SLC22A24: variants seen among roughly 807,000 people sequenced by gnomAD.
The protein encoded by SLC22A24 is steroid transmembrane transporter SLC22A24.
Under a neutral mutation model 49.8 loss-of-function variants are expected in SLC22A24, and 53 were observed. The observed-to-expected ratio is 1.06, with a 90% CI of 0.85 to 1.34. SLC22A24 has a LOEUF of 1.34. Ranked by LOEUF, SLC22A24 falls within the 40% of genes most tolerant of loss-of-function variation. SLC22A24 has a pLI of 0.00. For missense variants in SLC22A24, 786 were observed against 675.9 expected, an observed-to-expected ratio of 1.16 and a Z score of -1.81; for synonymous variants, 302 against 256.4, an observed-to-expected ratio of 1.18 and a Z score of -1.70.
At chr11:63,132,840 T>A (rs1565044327) in intron 2 of SLC22A24, among the ~76,000 whole-genome samples, 1 of 152,176 alleles carries the variant, frequency 6.6e-6, no homozygotes, top group Non-Finnish European at 1.5e-5. Context: ...TCTTCAGAGC[T>A]GTCAGACAGG....
At chr11:63,087,601 G>C (rs1208262851) in intron 6 of SLC22A24, among the ~76,000 whole-genome samples, 1 of 152,184 alleles carries the variant, frequency 6.6e-6, no homozygotes, top group Non-Finnish European at 1.5e-5. Flanking sequence ...TGGAAAAGGG[G>C]CTGAGGCCAT....
At chr11:63,112,157 G>A (rs1485132719) in intron 4 of SLC22A24, among the ~76,000 whole-genome samples, 2 of 152,136 alleles carry the variant, frequency 1.3e-5, no homozygotes, top group Non-Finnish European at 2.9e-5. Context: ...TAGTTGAGTG[G>A]TTTTGAGTGA....
At chr11:63,109,511 G>T (rs1015543214) in intron 4 of SLC22A24, among the ~76,000 whole-genome samples, 298 of 142,456 alleles carry the variant, frequency 2.1e-3, no homozygotes, top group African/African-American at 7.2e-3. Flanking sequence ...AGCACCTGTT[G>T]TTTCCTGACT....
intron 4 of SLC22A24, among the ~76,000 whole-genome samples, chr11:63,114,757 T>C (rs372989049): frequency 1.3e-5 from 2 of 152,110 alleles, no homozygotes; most frequent in East Asian, 1.9e-4. Context: ...GATATCCTTT[T>C]TGTTGATGGT....
chr11:63,121,173 A>T (rs56378671), intron 2 of SLC22A24, among the ~76,000 whole-genome samples: 2,338 of 152,318 alleles, frequency 0.015, 27 homozygotes, highest in Middle Eastern at 0.048. Context: ...TGGTCTATCA[A>T]TTGTAATAAA....
At chr11:63,081,800 T>C (rs1268410170) in intron 7 of SLC22A24, 134 bp from the exon 8 acceptor site, 4 of 663,126 alleles carry the variant, frequency 6.0e-6, no homozygotes, top group East Asian at 5.5e-5. Context: ...ATGCCAGAGA[T>C]TGGGGAATGG....
At chr11:63,117,778 T>G (rs1361123207) in intron 4 of SLC22A24, among the ~76,000 whole-genome samples, 1 of 152,210 alleles carries the variant, frequency 6.6e-6, no homozygotes, top group Admixed American at 6.5e-5. Flanking sequence ...TGTTAATAAC[T>G]GTTTATGTTA....
At chr11:63,132,417 T>G (rs1406671759) in intron 2 of SLC22A24, among the ~76,000 whole-genome samples, 1 of 152,186 alleles carries the variant, frequency 6.6e-6, no homozygotes, top group Non-Finnish European at 1.5e-5. Flanking sequence ...ATCTTTGTGG[T>G]TTTATCTACC....
chr11:63,083,473 A>G lies in SLC22A24; in HGVS notation c.1071-16T>C. ...GATTGCGAATCTGAAGTGAATAAAAAGGACAAAGACATATTCAATAAGATT... is the reference window on the plus strand; with the variant it reads ...GATTGCGAATCTGAAGTGAATAAAAGGGACAAAGACATATTCAATAAGATT... On this transcript the variant is annotated splice_polypyrimidine_tract_variant and intron_variant, in intron 6 of 9. Transcript: ENST00000612278. 1 of 1,535,610 alleles carries G rather than the reference A, an allele frequency of 6.5e-7. No individual in the cohort carries two copies. The highest frequency in any genetic ancestry group is 8.8e-7 in the Non-Finnish European group (1 of 1,132,838).
At chr11:63,135,021 A>G (rs537418398) in intron 1 of SLC22A24, among the ~76,000 whole-genome samples, 5 of 152,238 alleles carry the variant, frequency 3.3e-5, no homozygotes, top group Admixed American at 3.3e-4. Context: ...CCACATGTCT[A>G]CAAGTCTTTA....
intron 6 of SLC22A24, among the ~76,000 whole-genome samples, chr11:63,087,365 C>G (rs1416388776): frequency 6.6e-6 from 1 of 152,156 alleles, no homozygotes; most frequent in Non-Finnish European, 1.5e-5. Context: ...CCAAGGGAAG[C>G]CATGAGGGAC....
rs530632766 is a variant in SLC22A24, at chr11:63,132,364, CT to C, written c.506+2300del. Among the ~76,000 whole-genome samples the C allele has an allele frequency of 2.9e-3, 441 of 152,288 alleles. 2 individuals are homozygous for C. The highest frequency in any genetic ancestry group is 0.01 in the African/African-American group (422 of 41,552). On this transcript the variant is annotated intron_variant, in intron 2 of 9. Coordinates refer to ENST00000612278, the MANE Select transcript of SLC22A24 (RefSeq NM_001136506.2). ...GAACCTTTGGAGGAGAAGAGGCACT[CT>C]GGTTTTTAGAATTTTCCACTTTTCT...
chr11:63,095,665 T>C (rs193199575), intron 6 of SLC22A24, among the ~76,000 whole-genome samples: 2 of 152,312 alleles, frequency 1.3e-5, no homozygotes, highest in African/African-American at 2.4e-5. Flanking sequence ...AGCCAGTTGA[T>C]GTAACTTCTT....
chr11:63,127,688 G>A (rs2155329), intron 2 of SLC22A24, among the ~76,000 whole-genome samples: 120,939 of 152,078 alleles, frequency 0.8, 49,175 homozygotes, highest in East Asian at 0.9. Flanking sequence ...GTGTGAGATG[G>A]TATCTCATTG....
chr11:63,129,550 C>G (rs1040414393), intron 2 of SLC22A24, among the ~76,000 whole-genome samples: 2 of 152,052 alleles, frequency 1.3e-5, no homozygotes, highest in African/African-American at 2.4e-5. Flanking sequence ...GGCATTGAAT[C>G]TATAAATTAC....
chr11:63,138,511 G>A (rs537453294), intron 1 of SLC22A24, among the ~76,000 whole-genome samples: 23 of 151,296 alleles, frequency 1.5e-4, no homozygotes, highest in Non-Finnish European at 2.7e-4. Flanking sequence ...GTGTGGTGGC[G>A]GGCACCTGTA....
At position 63,096,207 on chromosome 11, in the gene SLC22A24, C is replaced by T. The variant is rs2087054134; in HGVS notation, c.955-101G>A. 6.8e-6 allele frequency: 5 copies of T among 730,028 alleles called. No individual in the cohort carries two copies. The East Asian group carries it at 8.4e-5, about 12-fold the overall frequency. 45.2% of individuals were successfully genotyped at this position (730,028 alleles called of 1,614,324 possible). ...ACAAGATAGACATATTGTAAACTAT[C>T]CTCAAGGAAATTTCTGTCTAGTGGG... On this transcript the variant is annotated intron_variant, in intron 5 of 9. Transcript: ENST00000612278.
chr11:63,107,988 G>C (rs1191217809), intron 4 of SLC22A24, among the ~76,000 whole-genome samples: 7 of 152,214 alleles, frequency 4.6e-5, no homozygotes, highest in Non-Finnish European at 1.0e-4. Flanking sequence ...GGAGTGGTGA[G>C]AGAGGGCATC....
intron 2 of SLC22A24, among the ~76,000 whole-genome samples, chr11:63,123,685 T>TAAGCAA (rs1310065363): frequency 9.2e-5 from 14 of 152,238 alleles, no homozygotes; most frequent in Non-Finnish European, 1.8e-4. Context: ...GCGAAAAGCC[T>TAAGCAA]ATATCCCCTT....
Sources: gnomAD v4.1 joint callset for allele counts (sites outside exome capture counted in the v4.1 genomes callset) on GRCh38, gnomAD v4.1.1 for gene constraint, MANE v1.5 for transcripts, NCBI Gene and HGNC (gene_info 2026-07-23, HGNC 2026-07-21) for gene names.